Variants in CCK observed in about 807,000 individuals in gnomAD.
CCK encodes the protein cholecystokinin, also known as cholecystokinin triacontatriapeptide.
A neutral mutation model predicts 10.1 loss-of-function variants in CCK; 11 were observed. The ratio of observed to expected loss-of-function variants is 1.09; its 90% CI spans 0.69 to 1.81. The LOEUF is 1.81. CCK is among the 40% of genes most tolerant of loss of function. The pLI is 0.00. For synonymous variants in CCK, 83 were observed against 71.9 expected, an observed-to-expected ratio of 1.15 and a Z score of -0.78; for missense variants, 137 against 159.9, an observed-to-expected ratio of 0.86 and a Z score of 0.77.
intron 4 of CCK, among the ~76,000 whole-genome samples, chr3:42,258,859 A>G (rs1211106449): frequency 6.6e-6 from 1 of 152,208 alleles, no homozygotes; most frequent in African/African-American, 2.4e-5. Flanking sequence ...CTGGGTATAT[A>G]CCCAAAGGAT....
At chr3:42,263,870 C>A in intron 3 of CCK, 1 of 530,680 alleles carries the variant, frequency 1.9e-6, no homozygotes, top group Non-Finnish European at 3.1e-6. Flanking sequence ...GGGCAGAGAC[C>A]CTGTTTTCTG....
intron 3 of CCK, 196 bp from the exon 4 acceptor site, chr3:42,263,828 T>G (rs1017756858): frequency 1.1e-6 from 1 of 878,158 alleles, no homozygotes; most frequent in African/African-American, 1.8e-5. Context: ...CGCACCTGGC[T>G]GGTCTTTGGG....
At chr3:42,263,775 C>G in intron 3 of CCK, 143 bp from the exon 4 acceptor site, 2 of 1,370,442 alleles carry the variant, frequency 1.5e-6, no homozygotes, top group Non-Finnish European at 1.9e-6. Flanking sequence ...GAGGGCTCGC[C>G]AAGCGCTGAC....
intron 3 of CCK, among the ~76,000 whole-genome samples, chr3:42,264,128 T>G (rs1226738779): frequency 6.7e-6 from 1 of 148,810 alleles, no homozygotes; most frequent in African/African-American, 2.5e-5. Context: ...CAGTTTAAAA[T>G]GTAGGAGCAA....
chr3:42,263,232 C>A lies in CCK; in HGVS notation c.214+185G>T, dbSNP rs985065499. ...CAAAGAAAGCTTTTCAAGAAGGTTC[C>A]CCTTACTTATAAATTAAGTCCTCCA... On this transcript the variant is annotated intron_variant, in intron 4 of 4. Coordinates refer to ENST00000396169, the MANE Select transcript of CCK (RefSeq NM_000729.6). 7 of 855,612 alleles carry A rather than the reference C, an allele frequency of 8.2e-6. No individual in the cohort carries two copies. The Admixed American group carries it at 1.5e-4, about 18-fold the overall frequency. 53.0% of individuals were successfully genotyped at this position (855,612 alleles called of 1,614,324 possible).
chr3:42,258,851 G>A (rs1711174115), intron 4 of CCK, among the ~76,000 whole-genome samples: 1 of 152,092 alleles, frequency 6.6e-6, no homozygotes, highest in Admixed American at 6.6e-5. Flanking sequence ...TCCCATTACT[G>A]GGTATATACC....
chr3:42,258,359 A>G, intron 4 of CCK, 128 bp from the exon 5 acceptor site: 1 of 1,014,498 alleles, frequency 9.9e-7, no homozygotes, highest in Non-Finnish European at 1.4e-6. Context: ...GGTATCAAAG[A>G]GCTATCAAAG....
chr3:42,265,999 G>C lies in CCK; in HGVS notation c.-698C>G, dbSNP rs1435656311. The C allele has an allele frequency of 6.6e-6, 1 of 152,166 alleles. No homozygotes were observed. The highest frequency in any genetic ancestry group is 6.5e-5 in the Admixed American group (1 of 15,272). The allele number at this position is 152,166 out of a possible 1,614,324, so 9.4% of individuals were successfully genotyped here. A position where few individuals can be genotyped will look rare whatever the true frequency, so the allele number is the denominator to read the frequency against. On this transcript the variant is annotated 5_prime_UTR_variant, in exon 1 of 5. Transcript: ENST00000396169. ...GCGCCTTGCCAAGGCTCCACAACAC[G>C]CCCCTCGCCCTCTCCGTGCACCGAG...
rs1196649223 is a variant in CCK at position 42,265,734 on chromosome 3, A to C, written c.-433T>G. ...GGAGGTGAGGACCTCACCCCTAGTCAGTCACCCGTCCGGTGGAGGGAAGGG... is the reference window on the plus strand; with the variant it reads ...GGAGGTGAGGACCTCACCCCTAGTCCGTCACCCGTCCGGTGGAGGGAAGGG... On this transcript the variant is annotated 5_prime_UTR_variant, in exon 1 of 5. Coordinates refer to ENST00000396169, the MANE Select transcript of CCK (RefSeq NM_000729.6). 1 of 152,240 alleles carries C rather than the reference A, an allele frequency of 6.6e-6. No homozygotes were observed. The highest frequency in any genetic ancestry group is 1.5e-5 in the Non-Finnish European group (1 of 68,140). 9.4% of individuals were successfully genotyped at this position (152,240 alleles called of 1,614,324 possible).
Position 42,257,949 on chromosome 3 carries a change from A to G in CCK, c.*149T>C, listed in dbSNP as rs1390682959. The G allele has an allele frequency of 1.5e-5, 12 of 814,832 alleles. No individual in the cohort carries two copies. Among genetic ancestry groups the G allele is most frequent in the Non-Finnish European group, 2.1e-5 (11 of 529,786 alleles). 50.5% of individuals were successfully genotyped at this position (814,832 alleles called of 1,614,324 possible). On this transcript the variant is annotated 3_prime_UTR_variant, in exon 5 of 5. Coordinates refer to ENST00000396169, the MANE Select transcript of CCK (RefSeq NM_000729.6). ...GTGTGGTTGCACTGGACAATCTTAC[A>G]GACACATTTTTCACATTGAGAACTT...
At chr3:42,261,304 T>C (rs1266548827) in intron 4 of CCK, among the ~76,000 whole-genome samples, 1 of 152,178 alleles carries the variant, frequency 6.6e-6, no homozygotes, top group African/African-American at 2.4e-5. Context: ...ATTCAAAATA[T>C]GTAAAATATT....
chr3:42,262,965 A>G (rs779967631), intron 4 of CCK: 2 of 212,158 alleles, frequency 9.4e-6, no homozygotes, highest in Non-Finnish European at 1.9e-5. Flanking sequence ...TTTGGTGGAA[A>G]TGGACACATT....
At chr3:42,259,588 G>T (rs2075829196) in intron 4 of CCK, among the ~76,000 whole-genome samples, 1 of 152,072 alleles carries the variant, frequency 6.6e-6, no homozygotes, top group Non-Finnish European at 1.5e-5. Context: ...GATAACAAAG[G>T]TGATTTAAAT....
chr3:42,263,459 G>C lies in CCK; in HGVS notation c.172C>G (p.Leu58Val). ...QRTDGESRAH[L>V]GALLARYIQQ... is the part of the protein sequence containing the mutation. ...ATGTATCTTGCCAGCAGGGCGCCCA[G>C]GTGCGCTCGGGACTCGCCATCCGTT... The change falls in exon 4 of 5, where the codon CTG becomes GTG. Residue 58 changes from leucine to valine, a missense_variant. Transcript: ENST00000396169. The C allele has an allele frequency of 1.2e-6, 2 of 1,614,178 alleles. No individual in the cohort carries two copies. The highest frequency in any genetic ancestry group is 1.7e-6 in the Non-Finnish European group (2 of 1,180,012).
At chr3:42,263,228 G>A (rs1711239791) in intron 4 of CCK, 189 bp downstream of exon 4, 1 of 825,858 alleles carries the variant, frequency 1.2e-6, no homozygotes, top group East Asian at 2.6e-5. Context: ...TTTCAAGAAG[G>A]TTCCCCTTAC....
chr3:42,261,055 TG>T (rs1711203449), intron 4 of CCK, among the ~76,000 whole-genome samples: 1 of 152,148 alleles, frequency 6.6e-6, no homozygotes, highest in Admixed American at 6.5e-5. Flanking sequence ...ACAATATAGA[TG>T]TAGCATTGAA....
rs1410363700 is a variant in CCK at position 42,263,517 on chromosome 3, C to G, written c.114G>C (p.Glu38Asp). 1 of 1,613,802 alleles carries G rather than the reference C, an allele frequency of 6.2e-7. No homozygotes were observed. The highest frequency in any genetic ancestry group is 1.1e-5 in the South Asian group (1 of 91,078). ...ATACCCTCAGCTGCCTACGGGGCGC[C>G]TCCTCTGCCCGCTGCAGCCCGGAGC... ...PAGSGLQRAEEAPRRQLRVSQ... is the reference protein window; with the variant it reads ...PAGSGLQRAEDAPRRQLRVSQ... The change falls in exon 4 of 5, where the codon GAG (glutamate) becomes GAC (aspartate). Residue 38 changes from glutamate to aspartate, a missense_variant. Coordinates refer to ENST00000396169, the MANE Select transcript of CCK (RefSeq NM_000729.6).
chr3:42,262,214 GTTC>G (rs1436033601), intron 4 of CCK, among the ~76,000 whole-genome samples: 1 of 98,564 alleles, frequency 1.0e-5, no homozygotes, highest in Non-Finnish European at 2.1e-5. Context: ...TGTTTGCTAA[GTTC>G]TTTTTTTTTT....
intron 4 of CCK, among the ~76,000 whole-genome samples, chr3:42,261,102 C>T (rs1711204047): frequency 6.6e-6 from 1 of 152,150 alleles, no homozygotes. Context: ...ACACTAAATG[C>T]CTCTAGATAT....
Sources: allele counts gnomAD v4.1 joint callset (sites outside exome capture counted in the v4.1 genomes callset), GRCh38; gene constraint gnomAD v4.1.1; transcripts MANE v1.5; gene names NCBI Gene and HGNC (gene_info 2026-07-23, HGNC 2026-07-21).